The following MCC variants were observed in gnomAD, a reference collection of about 807,000 sequenced individuals.
MCC encodes colorectal mutant cancer protein.
MCC carries 90 observed loss-of-function variants against 116.2 expected under a neutral mutation model. That is an observed-to-expected ratio of 0.77 (90% CI 0.65 to 0.92). The LOEUF (loss-of-function observed/expected upper bound fraction) is 0.92, where lower values mean the gene tolerates loss of function less well. Ranked by LOEUF, MCC falls within the 40% of genes least tolerant of loss-of-function variation. MCC has a pLI of 0.00. For synonymous variants in MCC, 578 were observed against 510.5 expected (o/e 1.13, Z -1.78); for missense variants, 1,516 against 1,312.2 (o/e 1.16, Z -2.40).
intron 3 of MCC, among the ~76,000 whole-genome samples, chr5:113,219,179 TG>T (rs1267627000): frequency 1.3e-5 from 2 of 152,206 alleles, no homozygotes; most frequent in African/African-American, 4.8e-5. Context: ...CTTTTCCTTT[TG>T]GGTTGTTTTA....
At position 113,084,245 on chromosome 5, in the gene MCC, CTG is replaced by C. The variant is rs941951180; in HGVS notation, c.1546-57_1546-56del. On this transcript the variant is annotated intron_variant, in intron 9 of 18. Transcript: ENST00000408903. ...AACTACACACCACTCCTCAGATAAA[CTG>C]TTGGGACTACGCTTATACAGGGCTA... is the stretch of plus-strand genomic sequence containing the variant. 1.8e-5 allele frequency: 25 copies of C among 1,351,598 alleles called. No individual in the cohort carries two copies. The African/African-American group carries it at 3.4e-4, about 19-fold the overall frequency. 83.7% of individuals were successfully genotyped at this position (1,351,598 alleles called of 1,614,324 possible).
intron 3 of MCC, among the ~76,000 whole-genome samples, chr5:113,203,484 A>C (rs1199494534): frequency 6.6e-6 from 1 of 151,652 alleles, no homozygotes; most frequent in East Asian, 1.9e-4. Context: ...AGCACGGCCC[A>C]GACCAGATTA....
intron 3 of MCC, among the ~76,000 whole-genome samples, chr5:113,280,221 C>T (rs1041782051): frequency 3.3e-5 from 5 of 152,156 alleles, no homozygotes; most frequent in East Asian, 1.9e-4. Context: ...TAGATAGAGG[C>T]GAGCTGTAGC....
At chr5:113,117,741 G>T (rs1189502904) in intron 6 of MCC, among the ~76,000 whole-genome samples, 2 of 152,254 alleles carry the variant, frequency 1.3e-5, no homozygotes, top group Non-Finnish European at 2.9e-5. Context: ...GCTGTAACAT[G>T]CAGGATGCAA....
intron 1 of MCC, among the ~76,000 whole-genome samples, chr5:113,462,227 CCCAG>C (rs1771763352): frequency 6.6e-6 from 1 of 152,226 alleles, no homozygotes; most frequent in Non-Finnish European, 1.5e-5. Context: ...CTCTGGCTAA[CCCAG>C]CCATTCACCC....
intron 3 of MCC, among the ~76,000 whole-genome samples, chr5:113,183,729 G>A (rs1761744416): frequency 6.6e-6 from 1 of 152,154 alleles, no homozygotes. Flanking sequence ...GGGCAAATGG[G>A]ACCAGTCCAG....
At chr5:113,217,638 G>A (rs1270920328) in intron 3 of MCC, among the ~76,000 whole-genome samples, 2 of 148,606 alleles carry the variant, frequency 1.3e-5, no homozygotes, top group Non-Finnish European at 2.9e-5. Flanking sequence ...GGGAATCAAG[G>A]AGGAAAGTGG....
At chr5:113,172,814 T>C (rs1761142174) in intron 3 of MCC, among the ~76,000 whole-genome samples, 1 of 152,210 alleles carries the variant, frequency 6.6e-6, no homozygotes, top group Non-Finnish European at 1.5e-5. Context: ...GCTATTGCAA[T>C]ATATATTTCT....
intron 3 of MCC, among the ~76,000 whole-genome samples, chr5:113,206,012 T>A (rs1207025030): frequency 6.6e-6 from 1 of 152,222 alleles, no homozygotes; most frequent in Non-Finnish European, 1.5e-5. Context: ...CAGCAAGCAC[T>A]GTGTGCTGGC....
intron 17 of MCC, among the ~76,000 whole-genome samples, chr5:113,035,240 G>A (rs1161653753): frequency 3.3e-5 from 5 of 152,178 alleles, no homozygotes; most frequent in African/African-American, 9.7e-5. Context: ...GTTACTTGGA[G>A]TAAGCCTTAA....
At chr5:113,373,116 T>A (rs906604544) in intron 2 of MCC, among the ~76,000 whole-genome samples, 1 of 151,730 alleles carries the variant, frequency 6.6e-6, no homozygotes, top group African/African-American at 2.4e-5. Context: ...GAGGCGGAGC[T>A]TGCAGTGAGC....
At chr5:113,432,320 C>CAAA (rs66577040) in intron 1 of MCC, among the ~76,000 whole-genome samples, 45 of 68,536 alleles carry the variant, frequency 6.6e-4, no homozygotes, top group Middle Eastern at 0.011. Flanking sequence ...GACTCTGTCT[C>CAAA]AAAAAAAAAA....
chr5:113,438,148 T>C (rs1470010080), intron 1 of MCC, among the ~76,000 whole-genome samples: 1 of 152,200 alleles, frequency 6.6e-6, no homozygotes, highest in Non-Finnish European at 1.5e-5. Flanking sequence ...TTTTGTGACC[T>C]TAGGCAAGTG....
intron 5 of MCC, among the ~76,000 whole-genome samples, chr5:113,128,438 T>C (rs1465430829): frequency 6.6e-6 from 1 of 152,236 alleles, no homozygotes; most frequent in Non-Finnish European, 1.5e-5. Context: ...TTTAAAGCTA[T>C]TGGAAGGAAA....
intron 3 of MCC, among the ~76,000 whole-genome samples, chr5:113,319,254 A>C (rs1334788544): frequency 6.6e-6 from 1 of 152,228 alleles, no homozygotes; most frequent in East Asian, 1.9e-4. Context: ...AGTCTAGCTA[A>C]ATACTGTTGC....
At chr5:113,185,107 G>A (rs956054879) in intron 3 of MCC, among the ~76,000 whole-genome samples, 5 of 152,162 alleles carry the variant, frequency 3.3e-5, no homozygotes, top group Non-Finnish European at 4.4e-5. Context: ...GCCTCTGCAC[G>A]ATGGTTCAAA....
chr5:113,143,270 C>T lies in MCC; in HGVS notation c.832G>A (p.Val278Ile), dbSNP rs200082888. ...YEERITELHSVIAELNKKIDR... is the reference protein window; with the variant it reads ...YEERITELHSIIAELNKKIDR... ...ATCTTCTTGTTGAGCTCCGCAATGA[C>T]GCTGTGGAGCTCTGTGATGCGTTCC... The change falls in exon 5 of 19, where the codon GTC becomes ATC. Residue 278 changes from valine (V) to isoleucine (I), a missense_variant. Transcript: ENST00000408903. 3.5e-5 allele frequency: 56 copies of T among 1,613,340 alleles called. No individual in the cohort carries two copies. The Middle Eastern group carries it at 6.6e-4, about 19-fold the overall frequency.
At chr5:113,108,751 ACT>A (rs2150259824) in intron 6 of MCC, among the ~76,000 whole-genome samples, 1 of 152,206 alleles carries the variant, frequency 6.6e-6, no homozygotes, top group East Asian at 1.9e-4. Context: ...TGATGCACAG[ACT>A]CTGAAGAATA....
Position 113,333,802 on chromosome 5 carries a change from T to TATATATGTACATATATGTATATATGTAC in MCC, c.627+6716_627+6717insGTACATATATACATATATGTACATATAT. On this transcript the variant is annotated intron_variant, in intron 3 of 18. Transcript: ENST00000408903. ...CTTCATATATATTTATATATATATG[T>TATATATGTACATATATGTATATATGTAC]ATATATGTATATATGTACATATATG... Among the ~76,000 whole-genome samples, 2 of 53,836 alleles carry TATATATGTACATATATGTATATATGTAC rather than the reference T, an allele frequency of 3.7e-5. 1 individual carries two copies. The highest frequency in any genetic ancestry group is 2.2e-4 in the African/African-American group (2 of 9,062). The allele number at this position is 53,836 out of a possible 152,430, so 35.3% of individuals were successfully genotyped here.
Sources: gnomAD v4.1 joint callset for allele counts (sites outside exome capture counted in the v4.1 genomes callset) on GRCh38, gnomAD v4.1.1 for gene constraint, MANE v1.5 for transcripts, NCBI Gene and HGNC (gene_info 2026-07-23, HGNC 2026-07-21) for gene names.